The following CSMD3 variants were observed in gnomAD, a reference collection of about 807,000 sequenced individuals.
CSMD3 encodes CUB and Sushi multiple domains 3.
CSMD3 carries 177 observed loss-of-function variants against 435.2 expected under a neutral mutation model. That is an observed-to-expected ratio of 0.41 (90% CI 0.36 to 0.46). The LOEUF is 0.46. CSMD3 is among the 20% of genes least tolerant of loss of function. The pLI, the probability that CSMD3 is intolerant of heterozygous loss-of-function variation, is 0.34. For synonymous variants in CSMD3, 1,656 were observed against 1,520.5 expected (o/e 1.09, Z -2.07); for missense variants, 4,265 against 4,504.6 (o/e 0.95, Z 1.52).
intron 3 of CSMD3, among the ~76,000 whole-genome samples, chr8:113,196,531 G>C (rs1230078147): frequency 6.6e-6 from 1 of 151,166 alleles, no homozygotes; most frequent in Non-Finnish European, 1.5e-5. Flanking sequence ...AGTCAGAACA[G>C]CACATGAAAC....
rs371018544 is a variant in CSMD3, at chr8:112,380,471, G to A, written c.6032-15C>T. 2 of 1,280,962 alleles carry A rather than the reference G, an allele frequency of 1.6e-6. No individual in the cohort carries two copies. The highest frequency in any genetic ancestry group is 1.2e-5 in the South Asian group (1 of 84,264). The allele number at this position is 1,280,962 out of a possible 1,614,324, so 79.3% of individuals were successfully genotyped here. A position where few individuals can be genotyped will look rare whatever the true frequency, so the allele number is the denominator to read the frequency against. On this transcript the variant is annotated splice_polypyrimidine_tract_variant and intron_variant, in intron 37 of 70. Transcript: ENST00000297405. ...TATTGTTGTTCCTGAAATGATATATGAGAAGGCAAGACAATGACCACATAA... is the reference window on the plus strand; with the variant it reads ...TATTGTTGTTCCTGAAATGATATATAAGAAGGCAAGACAATGACCACATAA...
intron 70 of CSMD3, among the ~76,000 whole-genome samples, chr8:112,227,805 C>G (rs1038832483): frequency 3.9e-5 from 6 of 152,086 alleles, no homozygotes; most frequent in South Asian, 2.1e-4. Context: ...CACTTTGGGA[C>G]GCCGAGGCGG....
At chr8:112,606,448 A>G (rs1832799425) in intron 22 of CSMD3, among the ~76,000 whole-genome samples, 1 of 152,176 alleles carries the variant, frequency 6.6e-6, no homozygotes, top group East Asian at 1.9e-4. Flanking sequence ...AGACGCTACC[A>G]TGAGATGTAT....
intron 14 of CSMD3, among the ~76,000 whole-genome samples, chr8:112,686,547 C>T (rs968790610): frequency 8.7e-5 from 13 of 149,802 alleles, no homozygotes; most frequent in African/African-American, 3.2e-4. Flanking sequence ...AGTGCAGTGG[C>T]ACCATCTAGG....
intron 6 of CSMD3, among the ~76,000 whole-genome samples, chr8:113,016,714 TC>T (rs1564211640): frequency 6.6e-6 from 1 of 151,864 alleles, no homozygotes; most frequent in African/African-American, 2.4e-5. Context: ...AAATTTTCAA[TC>T]TTGAATTAGT....
At chr8:113,183,323 T>A (rs1340114923) in intron 3 of CSMD3, among the ~76,000 whole-genome samples, 1 of 152,034 alleles carries the variant, frequency 6.6e-6, no homozygotes, top group East Asian at 1.9e-4. Context: ...ATGACTCATA[T>A]AATTTATTTG....
chr8:112,404,068 G>C (rs1029414086), intron 35 of CSMD3, among the ~76,000 whole-genome samples: 1 of 152,092 alleles, frequency 6.6e-6, no homozygotes, highest in African/African-American at 2.4e-5. Context: ...TGGGGTTGGG[G>C]TGGGAGTGGC....
intron 12 of CSMD3, among the ~76,000 whole-genome samples, chr8:112,806,922 G>C (rs752745866): frequency 6.6e-6 from 1 of 152,092 alleles, no homozygotes; most frequent in Non-Finnish European, 1.5e-5. Context: ...TAGGAGATTC[G>C]AAATCAAACC....
intron 13 of CSMD3, among the ~76,000 whole-genome samples, chr8:112,796,216 G>C (rs1332509871): frequency 6.6e-6 from 1 of 152,070 alleles, no homozygotes; most frequent in Non-Finnish European, 1.5e-5. Flanking sequence ...AATGAAGTCA[G>C]TAAACTCAGA....
chr8:112,712,740 A>T (rs2076635760), intron 13 of CSMD3, among the ~76,000 whole-genome samples: 1 of 152,034 alleles, frequency 6.6e-6, no homozygotes, highest in Non-Finnish European at 1.5e-5. Context: ...AATTATTAAG[A>T]CAGGTAAGAA....
intron 35 of CSMD3, among the ~76,000 whole-genome samples, chr8:112,405,316 A>G (rs1831750610): frequency 2.1e-5 from 3 of 145,472 alleles, no homozygotes; most frequent in Admixed American, 6.9e-5. Context: ...AAACAACTCA[A>G]GTCATTAGAA....
intron 2 of CSMD3, among the ~76,000 whole-genome samples, chr8:113,298,977 CA>C (rs2093742730): frequency 6.6e-6 from 1 of 152,120 alleles, no homozygotes; most frequent in South Asian, 2.1e-4. Flanking sequence ...TTATTGAATA[CA>C]TATTAATTTT....
chr8:113,171,689 AACCTG>A (rs2092270820), intron 4 of CSMD3, among the ~76,000 whole-genome samples: 1 of 152,176 alleles, frequency 6.6e-6, no homozygotes, highest in Non-Finnish European at 1.5e-5. Context: ...CAGGCTTTGG[AACCTG>A]AGAGAATATT....
intron 45 of CSMD3, among the ~76,000 whole-genome samples, chr8:112,321,205 T>A (rs1822969850): frequency 6.6e-6 from 1 of 152,160 alleles, no homozygotes; most frequent in African/African-American, 2.4e-5. Flanking sequence ...TTAGAAGTTC[T>A]TTATGTACTC....
chr8:112,829,580 C>A, intron 12 of CSMD3, 106 bp downstream of exon 12: 1 of 730,814 alleles, frequency 1.4e-6, no homozygotes, highest in Non-Finnish European at 2.5e-6. Flanking sequence ...TACTGTGCAT[C>A]TTCTGCTGGT....
At chr8:112,411,894 G>T (rs1448610019) in intron 32 of CSMD3, among the ~76,000 whole-genome samples, 2 of 152,058 alleles carry the variant, frequency 1.3e-5, no homozygotes, top group Non-Finnish European at 2.9e-5. Flanking sequence ...AAGATTACTG[G>T]TTATTGTTTT....
intron 38 of CSMD3, among the ~76,000 whole-genome samples, chr8:112,366,244 T>G (rs1156831044): frequency 6.6e-6 from 1 of 152,176 alleles, no homozygotes; most frequent in Non-Finnish European, 1.5e-5. Context: ...TACTGCTTAT[T>G]ATAAGAGGGT....
intron 13 of CSMD3, among the ~76,000 whole-genome samples, chr8:112,734,111 A>C (rs1278364763): frequency 6.6e-6 from 1 of 151,998 alleles, no homozygotes; most frequent in South Asian, 2.1e-4. Flanking sequence ...AGACCTTAAA[A>C]AGAAACATTA....
intron 45 of CSMD3, among the ~76,000 whole-genome samples, chr8:112,325,517 A>C (rs914614024): frequency 6.6e-6 from 1 of 152,148 alleles, no homozygotes; most frequent in Admixed American, 6.6e-5. Flanking sequence ...CCATGAAAGC[A>C]GGCATTTTTG....
Sources: allele counts gnomAD v4.1 joint callset (sites outside exome capture counted in the v4.1 genomes callset), GRCh38; gene constraint gnomAD v4.1.1; transcripts MANE v1.5; gene names NCBI Gene and HGNC (gene_info 2026-07-23, HGNC 2026-07-21).